SRRM4: variants seen among roughly 807,000 people sequenced by gnomAD.
SRRM4 encodes serine/arginine repetitive matrix 4, also known as serine/arginine repetitive matrix protein 4.
In SRRM4, 33 loss-of-function variants were observed where a neutral mutation model predicts 68.9. The ratio of observed to expected loss-of-function variants is 0.48; its 90% CI spans 0.36 to 0.64. The LOEUF is 0.64. Among genes scored for constraint, SRRM4 ranks in the 30% least tolerant of loss-of-function variants. The probability of loss-of-function intolerance (pLI) is 0.00; values close to 1 mark genes in which losing one functional copy is unlikely to be tolerated. For synonymous variants in SRRM4, 318 were observed against 318.8 expected, an observed-to-expected ratio of 1.00 and a Z score of 0.03; for missense variants, 817 against 827.1, an observed-to-expected ratio of 0.99 and a Z score of 0.15.
intron 1 of SRRM4, among the ~76,000 whole-genome samples, chr12:119,013,493 C>G (rs894742984): frequency 6.6e-6 from 1 of 152,148 alleles, no homozygotes; most frequent in East Asian, 1.9e-4. Context: ...CCCAAAATTT[C>G]CTTCATCTTA....
At chr12:119,102,627 G>C (rs1257397053) in intron 2 of SRRM4, among the ~76,000 whole-genome samples, 1 of 152,204 alleles carries the variant, frequency 6.6e-6, no homozygotes, top group East Asian at 1.9e-4. Context: ...CAAACAAAAA[G>C]CATATCTGTG....
intron 1 of SRRM4, among the ~76,000 whole-genome samples, chr12:118,989,271 CCCT>C (rs1459169188): frequency 2.6e-5 from 4 of 152,112 alleles, no homozygotes; most frequent in African/African-American, 7.2e-5. Context: ...TTGGCTGGGT[CCCT>C]CCATGTGTTA....
At chr12:118,993,216 A>G (rs1001800304) in intron 1 of SRRM4, among the ~76,000 whole-genome samples, 2 of 152,122 alleles carry the variant, frequency 1.3e-5, no homozygotes, top group African/African-American at 4.8e-5. Flanking sequence ...TCTGACCCCA[A>G]AGAGGTTGTT....
intron 1 of SRRM4, chr12:118,994,092 G>C (rs926891517): frequency 8.5e-5 from 13 of 152,198 alleles, no homozygotes; most frequent in Admixed American, 7.9e-4. Context: ...ATGCTGATCA[G>C]TAGTGGGATC....
intron 1 of SRRM4, among the ~76,000 whole-genome samples, chr12:119,007,888 T>A (rs548179647): frequency 4.6e-5 from 7 of 152,296 alleles, no homozygotes; most frequent in Middle Eastern, 3.4e-3. Context: ...CCCATCTTGA[T>A]TGGCTGTGTG....
At chr12:119,006,580 G>T (rs1953417697) in intron 1 of SRRM4, among the ~76,000 whole-genome samples, 1 of 152,098 alleles carries the variant, frequency 6.6e-6, no homozygotes, top group African/African-American at 2.4e-5. Context: ...ATCCCTCCTG[G>T]CTCCTCACTT....
At chr12:119,044,578 G>T (rs1953693087) in intron 1 of SRRM4, among the ~76,000 whole-genome samples, 1 of 152,126 alleles carries the variant, frequency 6.6e-6, no homozygotes, top group Non-Finnish European at 1.5e-5. Flanking sequence ...ATGGGCACAA[G>T]CTTTAGACCC....
chr12:119,093,729 T>C (rs2136038046), intron 1 of SRRM4, among the ~76,000 whole-genome samples: 1 of 152,326 alleles, frequency 6.6e-6, no homozygotes, highest in South Asian at 2.1e-4. Context: ...CATCACCTAA[T>C]TACCTTTTGA....
At chr12:119,012,232 A>T (rs1953453900) in intron 1 of SRRM4, among the ~76,000 whole-genome samples, 1 of 152,176 alleles carries the variant, frequency 6.6e-6, no homozygotes, top group South Asian at 2.1e-4. Context: ...AGGGTTTATA[A>T]TTTGCTGACC....
chr12:119,065,008 A>C (rs1237780920), intron 1 of SRRM4, among the ~76,000 whole-genome samples: 2 of 152,186 alleles, frequency 1.3e-5, no homozygotes, highest in African/African-American at 2.4e-5. Context: ...ACTAACATAT[A>C]CTAGGAATCA....
At chr12:119,024,176 G>C (rs1329740361) in intron 1 of SRRM4, among the ~76,000 whole-genome samples, 1 of 152,120 alleles carries the variant, frequency 6.6e-6, no homozygotes, top group Non-Finnish European at 1.5e-5. Flanking sequence ...CATCATGGGG[G>C]CTCAAAAATT....
At chr12:119,040,317 A>G (rs1953658471) in intron 1 of SRRM4, among the ~76,000 whole-genome samples, 1 of 152,110 alleles carries the variant, frequency 6.6e-6, no homozygotes, top group South Asian at 2.1e-4. Context: ...TATACACTGC[A>G]CCATATTTGT....
intron 1 of SRRM4, among the ~76,000 whole-genome samples, chr12:119,056,340 G>A (rs1475096195): frequency 1.3e-5 from 2 of 152,178 alleles, no homozygotes; most frequent in African/African-American, 4.8e-5. Context: ...CATTTTACCT[G>A]GGTGGCTGGG....
At chr12:119,145,176 C>T (rs1205628968) in intron 8 of SRRM4, among the ~76,000 whole-genome samples, 1 of 151,820 alleles carries the variant, frequency 6.6e-6, no homozygotes, top group Non-Finnish European at 1.5e-5. Flanking sequence ...TCCAGTTATC[C>T]TAGCAGGGGG....
intron 2 of SRRM4, among the ~76,000 whole-genome samples, chr12:119,111,585 C>T (rs1954143976): frequency 6.6e-6 from 1 of 152,114 alleles, no homozygotes; most frequent in African/African-American, 2.4e-5. Flanking sequence ...TTTCTCCTTT[C>T]ATTTTTTCCC....
chr12:119,051,807 G>A lies in SRRM4; in HGVS notation c.132-50429G>A, dbSNP rs1020199985. ...AGCAAGCAACGATTAACGTATGGTA[G>A]AACTGATGTTTGGTGGAGCACATTT... On this transcript the variant is annotated intron_variant, in intron 1 of 12. Coordinates refer to ENST00000267260, the MANE Select transcript of SRRM4 (RefSeq NM_194286.4). Among the ~76,000 whole-genome samples the A allele has an allele frequency of 2.6e-5, 4 of 152,334 alleles. No homozygotes were observed. The South Asian group carries it at 8.3e-4, about 32-fold the overall frequency.
At chr12:118,998,673 T>C (rs1481050872) in intron 1 of SRRM4, among the ~76,000 whole-genome samples, 2 of 152,226 alleles carry the variant, frequency 1.3e-5, no homozygotes, top group Non-Finnish European at 2.9e-5. Context: ...TGCCCAAGGC[T>C]AAAGAAGCTG....
intron 1 of SRRM4, chr12:118,992,386 A>G (rs1953322715): frequency 6.6e-6 from 1 of 152,354 alleles, no homozygotes; most frequent in South Asian, 2.1e-4. Flanking sequence ...TCGTCTGGGT[A>G]TCCTGACAAG....
intron 6 of SRRM4, 43 bp downstream of exon 6, chr12:119,122,163 T>C (rs779858294): frequency 1.0e-5 from 14 of 1,368,320 alleles, no homozygotes; most frequent in Non-Finnish European, 1.4e-5. Flanking sequence ...GTTTGAGGAG[T>C]TGGGGCATCT....
Sources: allele counts gnomAD v4.1 joint callset (sites outside exome capture counted in the v4.1 genomes callset), GRCh38; gene constraint gnomAD v4.1.1; transcripts MANE v1.5; gene names NCBI Gene and HGNC (gene_info 2026-07-23, HGNC 2026-07-21).